The following DOCK3 variants were observed in gnomAD, a reference collection of about 807,000 sequenced individuals.
DOCK3 encodes dedicator of cytokinesis 3.
In DOCK3, 60 loss-of-function variants were observed where a neutral mutation model predicts 265.6. The ratio of observed to expected loss-of-function variants is 0.23; its 90% CI spans 0.18 to 0.28. DOCK3 has a LOEUF of 0.28. Ranked by LOEUF, DOCK3 falls within the 10% of genes least tolerant of loss-of-function variation. DOCK3 has a pLI of 1.00. For missense variants in DOCK3, 1,981 were observed against 2,594.3 expected (o/e 0.76, Z 5.14); for synonymous variants, 881 against 938.0 (o/e 0.94, Z 1.11).
chr3:50,971,415 G>A (rs2077229422), intron 5 of DOCK3, among the ~76,000 whole-genome samples: 2 of 152,044 alleles, frequency 1.3e-5, no homozygotes, highest in Admixed American at 1.3e-4. Context: ...GCTTTTAGTG[G>A]TAAAGACTAT....
At position 51,259,736 on chromosome 3, in the gene DOCK3, G is replaced by C. The variant is rs150442831; in HGVS notation, c.2185-420G>C. Among the ~76,000 whole-genome samples the C allele has an allele frequency of 2.5e-3, 388 of 152,272 alleles. 5 individuals carry two copies. Among genetic ancestry groups the C allele is most frequent in the African/African-American group, 8.7e-3 (362 of 41,546 alleles). On this transcript the variant is annotated intron_variant, in intron 22 of 52. Coordinates refer to ENST00000266037, the MANE Select transcript of DOCK3 (RefSeq NM_004947.5). ...GACTCCTAAGTCTGAGGATTCCTCA[G>C]TCCTTTAGGACACTTCCTTCTTGCA...
rs571138935 is a variant in DOCK3, at chr3:51,062,688, T to C, written c.316-1760T>C. Reference sequence around the variant, plus strand: ...GTACTCAAGAGGTGCTGCACAAGCATTTGTTAATTGGATGAATGAATGAAT... The same window carrying C: ...GTACTCAAGAGGTGCTGCACAAGCACTTGTTAATTGGATGAATGAATGAAT... On this transcript the variant is annotated intron_variant, in intron 5 of 52. Transcript: ENST00000266037. Among the ~76,000 whole-genome samples the C allele has an allele frequency of 7.9e-5, 12 of 152,334 alleles. 1 individual carries two copies. The South Asian group carries it at 2.5e-3, about 32-fold the overall frequency.
chr3:50,824,170 G>A (rs962274346), intron 2 of DOCK3, among the ~76,000 whole-genome samples: 1 of 152,052 alleles, frequency 6.6e-6, no homozygotes, highest in African/African-American at 2.4e-5. Flanking sequence ...TACTCTACTA[G>A]GCTACTTTAA....
chr3:51,022,266 G>A (rs907431345), intron 5 of DOCK3, among the ~76,000 whole-genome samples: 1 of 152,176 alleles, frequency 6.6e-6, no homozygotes, highest in Non-Finnish European at 1.5e-5. Flanking sequence ...TCTTCTGGAA[G>A]TTCTTTGCTC....
chr3:50,802,734 GAT>G (rs1304219993), intron 2 of DOCK3, among the ~76,000 whole-genome samples: 2 of 152,028 alleles, frequency 1.3e-5, no homozygotes, highest in African/African-American at 4.8e-5. Flanking sequence ...TTGAAAATTT[GAT>G]ATATAATATA....
intron 37 of DOCK3, among the ~76,000 whole-genome samples, chr3:51,340,824 G>C (rs1427342048): frequency 6.6e-6 from 1 of 152,134 alleles, no homozygotes; most frequent in African/African-American, 2.4e-5. Flanking sequence ...GGTTCCTTTG[G>C]TAATGGAGCC....
chr3:50,733,161 T>TA (rs1373006742), intron 1 of DOCK3, among the ~76,000 whole-genome samples: 1 of 152,198 alleles, frequency 6.6e-6, no homozygotes, highest in Non-Finnish European at 1.5e-5. Flanking sequence ...TGGTATATCC[T>TA]AGAGAATGTT....
At chr3:51,346,522 C>G (rs549590418) in intron 38 of DOCK3, among the ~76,000 whole-genome samples, 1 of 152,306 alleles carries the variant, frequency 6.6e-6, no homozygotes, top group South Asian at 2.1e-4. Context: ...GCCACATTTT[C>G]TTAATCCAGT....
chr3:50,919,759 T>C (rs987773853), intron 4 of DOCK3, among the ~76,000 whole-genome samples: 1 of 152,204 alleles, frequency 6.6e-6, no homozygotes, highest in Non-Finnish European at 1.5e-5. Flanking sequence ...TCCTGCCTGA[T>C]TGCCCTGACC....
chr3:50,881,057 G>A (rs1283037115), intron 3 of DOCK3, among the ~76,000 whole-genome samples: 1 of 152,234 alleles, frequency 6.6e-6, no homozygotes, highest in African/African-American at 2.4e-5. Context: ...TGCAGAAAAG[G>A]CCTTCGACAA....
chr3:50,945,417 C>CT (rs1334445047), intron 5 of DOCK3, among the ~76,000 whole-genome samples: 1 of 152,002 alleles, frequency 6.6e-6, no homozygotes, highest in African/African-American at 2.4e-5. Flanking sequence ...ATTAAACACT[C>CT]TACTAGGGCA....
intron 40 of DOCK3, among the ~76,000 whole-genome samples, chr3:51,351,604 A>G (rs1161918073): frequency 1.3e-5 from 2 of 150,690 alleles, no homozygotes; most frequent in Non-Finnish European, 2.9e-5. Context: ...CTCTAACTCT[A>G]TTCCACAGGA....
chr3:50,679,034 C>T (rs1458211585), intron 1 of DOCK3, among the ~76,000 whole-genome samples: 2 of 152,170 alleles, frequency 1.3e-5, no homozygotes, highest in African/African-American at 2.4e-5. Context: ...AGGAGGGCCT[C>T]AATCTCCTGA....
At chr3:50,714,140 C>T (rs556623829) in intron 1 of DOCK3, among the ~76,000 whole-genome samples, 21 of 152,128 alleles carry the variant, frequency 1.4e-4, no homozygotes, top group Non-Finnish European at 2.4e-4. Flanking sequence ...TACAAGCATA[C>T]ACCACCATGC....
At chr3:50,877,296 C>T (rs1357917474) in intron 3 of DOCK3, 1 of 367,968 alleles carries the variant, frequency 2.7e-6, no homozygotes, top group Non-Finnish European at 5.4e-6. Flanking sequence ...TTCTATTCAA[C>T]CTTTTTCTAA....
chr3:51,047,290 A>T (rs1269056691), intron 5 of DOCK3, among the ~76,000 whole-genome samples: 1 of 151,386 alleles, frequency 6.6e-6, no homozygotes, highest in Non-Finnish European at 1.5e-5. Context: ...TAGCATTAGG[A>T]GATATACCTA....
At chr3:50,873,841 G>C (rs1344225714) in intron 3 of DOCK3, among the ~76,000 whole-genome samples, 1 of 152,180 alleles carries the variant, frequency 6.6e-6, no homozygotes, top group Non-Finnish European at 1.5e-5. Flanking sequence ...TTTGAGTTCA[G>C]TGCCTCCCAA....
chr3:51,147,484 C>G (rs555303053), intron 10 of DOCK3, among the ~76,000 whole-genome samples: 46 of 152,270 alleles, frequency 3.0e-4, no homozygotes, highest in African/African-American at 1.1e-3. Flanking sequence ...AATGCTATCC[C>G]TCCCCCTGAC....
intron 3 of DOCK3, among the ~76,000 whole-genome samples, chr3:50,887,207 A>G (rs2048390839): frequency 2.0e-5 from 3 of 152,108 alleles, no homozygotes; most frequent in Admixed American, 2.0e-4. Context: ...CAGAAATACA[A>G]ACTACCATCA....
Sources: allele counts gnomAD v4.1 joint callset (sites outside exome capture counted in the v4.1 genomes callset), GRCh38; gene constraint gnomAD v4.1.1; transcripts MANE v1.5; gene names NCBI Gene and HGNC (gene_info 2026-07-23, HGNC 2026-07-21).